The following TBC1D23 variants were observed in gnomAD, a reference collection of about 807,000 sequenced individuals.
The protein encoded by TBC1D23 is HCV non-structural protein 4A-transactivated protein 1.
In TBC1D23, 55 loss-of-function variants were observed where a neutral mutation model predicts 91.4. The observed-to-expected ratio is 0.60, with a 90% CI of 0.48 to 0.75. The LOEUF (loss-of-function observed/expected upper bound fraction) is 0.75, where lower values mean the gene tolerates loss of function less well. Among genes scored for constraint, TBC1D23 ranks in the 30% least tolerant of loss-of-function variants. TBC1D23 has a pLI of 0.00. For missense variants in TBC1D23, 725 were observed against 836.1 expected (o/e 0.87, Z 1.64); for synonymous variants, 289 against 281.0 (o/e 1.03, Z -0.28).
At chr3:100,287,750 A>C (rs977499255) in intron 4 of TBC1D23, among the ~76,000 whole-genome samples, 1 of 152,016 alleles carries the variant, frequency 6.6e-6, no homozygotes, top group Admixed American at 6.5e-5. Flanking sequence ...TTTAGAAATT[A>C]TTTTTATTTT....
chr3:100,279,612 A>C lies in TBC1D23; in HGVS notation c.54-37A>C, dbSNP rs775427974. 5 of 1,331,318 alleles carry C rather than the reference A, an allele frequency of 3.8e-6. No individual in the cohort carries two copies. The Admixed American group carries it at 9.8e-5, about 26-fold the overall frequency. 82.5% of individuals were successfully genotyped at this position (1,331,318 alleles called of 1,614,324 possible). ...AATCTTGAATAAGAAAAAGTATGAGATAAAGTTCATTTTAATAAATAGGAC... is the reference window on the plus strand; with the variant it reads ...AATCTTGAATAAGAAAAAGTATGAGCTAAAGTTCATTTTAATAAATAGGAC... On this transcript the variant is annotated intron_variant, in intron 1 of 18. Coordinates refer to ENST00000394144, the MANE Select transcript of TBC1D23 (RefSeq NM_001199198.3).
chr3:100,279,763 A>G lies in TBC1D23; in HGVS notation c.165+3A>G. 3 of 1,519,412 alleles carry G rather than the reference A, an allele frequency of 2.0e-6. No homozygotes were observed. The highest frequency in any genetic ancestry group is 2.7e-6 in the Non-Finnish European group (3 of 1,104,176). The allele number at this position is 1,519,412 out of a possible 1,614,324, so 94.1% of individuals were successfully genotyped here. ...ATCTGAGGGCCAAAGTTTGGAAGGT[A>G]ACTAGAAACTAAAATGAATAAAATG... is the stretch of plus-strand genomic sequence containing the variant. On this transcript the variant is annotated splice_donor_region_variant and intron_variant, in intron 2 of 18. Transcript: ENST00000394144.
chr3:100,270,553 A>G (rs137974193), intron 1 of TBC1D23, among the ~76,000 whole-genome samples: 132 of 152,222 alleles, frequency 8.7e-4, no homozygotes, highest in African/African-American at 3.0e-3. Flanking sequence ...GGACCCTTTA[A>G]GTAAGTAAAT....
intron 1 of TBC1D23, among the ~76,000 whole-genome samples, chr3:100,262,361 A>G (rs2067518667): frequency 6.6e-6 from 1 of 152,170 alleles, no homozygotes; most frequent in South Asian, 2.1e-4. Flanking sequence ...AATAAGTAGG[A>G]TTTAAGCCCC....
chr3:100,281,896 T>C, intron 3 of TBC1D23, 49 bp downstream of exon 3: 1 of 1,251,360 alleles, frequency 8.0e-7, no homozygotes. Flanking sequence ...GGAAATAATT[T>C]TTGGGTTGAG....
intron 10 of TBC1D23, among the ~76,000 whole-genome samples, chr3:100,299,670 C>T (rs369984755): frequency 3.4e-4 from 51 of 152,196 alleles, no homozygotes; most frequent in African/African-American, 9.4e-4. Context: ...CCACCAGGCC[C>T]GGCTAATTTT....
Position 100,320,787 on chromosome 3 carries a change from G to T in TBC1D23, c.1834G>T (p.Val612Phe). 2.7e-6 allele frequency: 4 copies of T among 1,472,914 alleles called. No homozygotes were observed. The highest frequency in any genetic ancestry group is 2.5e-5 in the East Asian group (1 of 40,416). 91.2% of individuals were successfully genotyped at this position (1,472,914 alleles called of 1,614,324 possible). A position where few individuals can be genotyped will look rare whatever the true frequency, so the allele number is the denominator to read the frequency against. ...SGHMFPSHLLVTATHMYCLRE... is the reference protein window; with the variant it reads ...SGHMFPSHLLFTATHMYCLRE... ...TTTTTTTGTCTCAAGTCATCTGTTG[G>T]TTACTGCAACACATATGTACTGTTT... Residue 612 changes from valine (V) to phenylalanine (F), a missense_variant, in exon 18 of 19, where the codon GTT (valine) becomes TTT (phenylalanine). Coordinates refer to ENST00000394144, the MANE Select transcript of TBC1D23 (RefSeq NM_001199198.3).
chr3:100,311,183 A>G (rs957562931), intron 14 of TBC1D23, among the ~76,000 whole-genome samples: 3 of 152,134 alleles, frequency 2.0e-5, no homozygotes, highest in Non-Finnish European at 4.4e-5. Context: ...TAATTGCAAC[A>G]CAGAATTTGT....
chr3:100,268,028 C>T (rs1023314652), intron 1 of TBC1D23, among the ~76,000 whole-genome samples: 2 of 151,946 alleles, frequency 1.3e-5, no homozygotes, highest in African/African-American at 4.8e-5. Context: ...AAAAATTAGC[C>T]AGACTTGGTG....
intron 18 of TBC1D23, 50 bp downstream of exon 18, chr3:100,321,021 T>G (rs1276303304): frequency 7.4e-7 from 1 of 1,349,920 alleles, no homozygotes; most frequent in East Asian, 2.4e-5. Context: ...ATTATCTGAA[T>G]TACTGTAGTT....
intron 11 of TBC1D23, among the ~76,000 whole-genome samples, chr3:100,303,952 G>C (rs1705475197): frequency 6.6e-6 from 1 of 151,874 alleles, no homozygotes; most frequent in Non-Finnish European, 1.5e-5. Context: ...GAAAAGTAGG[G>C]AGAACTGAAT....
intron 8 of TBC1D23, 120 bp downstream of exon 8, chr3:100,296,395 G>T: frequency 3.5e-6 from 2 of 576,826 alleles, no homozygotes; most frequent in South Asian, 2.9e-5. Flanking sequence ...ATGTGTTGTA[G>T]TTTTGTGTGA....
chr3:100,279,714 T>C lies in TBC1D23; in HGVS notation c.119T>C (p.Ile40Thr), dbSNP rs148149385. 1,625 of 1,608,866 alleles carry C rather than the reference T, an allele frequency of 1.0e-3. 1 individual carries two copies. The highest frequency in any genetic ancestry group is 1.3e-3 in the Non-Finnish European group (1,478 of 1,176,416). Reference protein sequence around the residue: ...GCDLETLRNIIQGRPLPADLR... With the variant: ...GCDLETLRNITQGRPLPADLR... ...GATCTTGAAACGTTGAGAAATATAA[T>C]TCAAGGAAGACCGCTGCCTGCTGAT... is the stretch of plus-strand genomic sequence containing the variant. The change falls in exon 2 of 19, where the codon ATT becomes ACT. Residue 40 changes from isoleucine to threonine, a missense_variant. By Grantham distance (89) the Ile-to-Thr change is moderately conservative (BLOSUM62 -1). Coordinates refer to ENST00000394144, the MANE Select transcript of TBC1D23 (RefSeq NM_001199198.3).
At chr3:100,304,487 A>C (rs1397837314) in intron 11 of TBC1D23, among the ~76,000 whole-genome samples, 1 of 151,916 alleles carries the variant, frequency 6.6e-6, no homozygotes, top group Non-Finnish European at 1.5e-5. Flanking sequence ...ATTATCTTTT[A>C]ATAAAGGACC....
intron 1 of TBC1D23, among the ~76,000 whole-genome samples, chr3:100,275,488 A>T (rs1206304973): frequency 6.6e-6 from 1 of 152,026 alleles, no homozygotes; most frequent in Non-Finnish European, 1.5e-5. Context: ...GGTTTTTTCC[A>T]TGTTGCCCAG....
At chr3:100,290,733 A>G in intron 5 of TBC1D23, 32 bp downstream of exon 5, 1 of 1,546,562 alleles carries the variant, frequency 6.5e-7, no homozygotes, top group Non-Finnish European at 8.7e-7. Flanking sequence ...CATTTAATGA[A>G]AAATAGATTT....
chr3:100,309,636 G>A (rs1349819193), intron 13 of TBC1D23, among the ~76,000 whole-genome samples: 1 of 50,768 alleles, frequency 2.0e-5, no homozygotes, highest in Non-Finnish European at 4.5e-5. Context: ...TTTTGAGACA[G>A]CGTCTCGCTC....
At chr3:100,318,529 T>C (rs1705793721) in intron 16 of TBC1D23, among the ~76,000 whole-genome samples, 3 of 152,172 alleles carry the variant, frequency 2.0e-5, no homozygotes, top group African/African-American at 7.2e-5. Flanking sequence ...AAAAGTGTAT[T>C]CTTAATATTT....
intron 11 of TBC1D23, among the ~76,000 whole-genome samples, chr3:100,302,911 G>A (rs1705458544): frequency 6.6e-6 from 1 of 152,132 alleles, no homozygotes; most frequent in South Asian, 2.1e-4. Context: ...TGATCTTTAT[G>A]TGTATTTATG....
Sources: allele counts gnomAD v4.1 joint callset (sites outside exome capture counted in the v4.1 genomes callset), GRCh38; gene constraint gnomAD v4.1.1; transcripts MANE v1.5; gene names NCBI Gene and HGNC (gene_info 2026-07-23, HGNC 2026-07-21).